The following MOB3B variants were observed in gnomAD, a reference collection of about 807,000 sequenced individuals.
MOB3B encodes the protein MOB kinase activator 3B, also known as MOB kinase activator-like 2B.
MOB3B carries 7 observed loss-of-function variants against 18.7 expected under a neutral mutation model. The ratio of observed to expected loss-of-function variants is 0.37; its 90% CI spans 0.21 to 0.70. MOB3B has a LOEUF of 0.70. Among genes scored for constraint, MOB3B ranks in the 30% least tolerant of loss-of-function variants. MOB3B has a pLI of 0.52. For missense variants in MOB3B, 253 were observed against 281.3 expected, an observed-to-expected ratio of 0.90 and a Z score of 0.72; for synonymous variants, 111 against 99.9, an observed-to-expected ratio of 1.11 and a Z score of -0.66.
intron 2 of MOB3B, among the ~76,000 whole-genome samples, chr9:27,390,930 G>A (rs191184740): frequency 6.6e-6 from 1 of 152,240 alleles, no homozygotes; most frequent in Admixed American, 6.5e-5. Context: ...GAAACTGGCA[G>A]TCTACACCAG....
chr9:27,491,602 C>T (rs1337647940), intron 1 of MOB3B, among the ~76,000 whole-genome samples: 4 of 152,242 alleles, frequency 2.6e-5, no homozygotes, highest in East Asian at 1.9e-4. Context: ...TGGTTGGGCA[C>T]GGTGGCTCAT....
chr9:27,471,847 A>G (rs1819476928), intron 1 of MOB3B, among the ~76,000 whole-genome samples: 1 of 152,196 alleles, frequency 6.6e-6, no homozygotes. Flanking sequence ...CCTCTCTCCT[A>G]AAACACTCTT....
At chr9:27,342,154 G>A (rs941563672) in intron 3 of MOB3B, among the ~76,000 whole-genome samples, 25 of 152,238 alleles carry the variant, frequency 1.6e-4, no homozygotes, top group African/African-American at 6.0e-4. Flanking sequence ...ATTTAGCATG[G>A]GGGTCTTTTC....
At chr9:27,475,093 G>A (rs1030991597) in intron 1 of MOB3B, among the ~76,000 whole-genome samples, 2 of 152,102 alleles carry the variant, frequency 1.3e-5, no homozygotes, top group Non-Finnish European at 1.5e-5. Flanking sequence ...TCGCTTTGAT[G>A]ATGCCAGCTG....
intron 1 of MOB3B, among the ~76,000 whole-genome samples, chr9:27,492,391 A>C (rs149734923): frequency 0.012 from 1,771 of 152,360 alleles, 36 homozygotes; most frequent in African/African-American, 0.04. Flanking sequence ...TTAAAACACT[A>C]AAGAATGGAT....
At chr9:27,516,999 G>A (rs972514750) in intron 1 of MOB3B, among the ~76,000 whole-genome samples, 2 of 152,076 alleles carry the variant, frequency 1.3e-5, no homozygotes, top group Non-Finnish European at 2.9e-5. Flanking sequence ...TCAGCTGGTG[G>A]CACGATCATA....
intron 2 of MOB3B, among the ~76,000 whole-genome samples, chr9:27,369,599 T>C (rs190794634): frequency 5.3e-5 from 8 of 152,360 alleles, no homozygotes; most frequent in Admixed American, 1.3e-4. Flanking sequence ...CTATTTAACA[T>C]GCAGGCAAGA....
At chr9:27,380,363 C>T (rs1174655217) in intron 2 of MOB3B, among the ~76,000 whole-genome samples, 2 of 151,190 alleles carry the variant, frequency 1.3e-5, no homozygotes, top group Non-Finnish European at 2.9e-5. Flanking sequence ...CTCAGCCTCC[C>T]GAGTAGCTGG....
In MOB3B at chr9:27,327,942, T is replaced by C. The variant is rs964667405; in HGVS notation, c.*2645A>G. ...TGTGTATTTACAGTGAGAAAGAAAA[T>C]GTGAGGCAGGTGCGGTGGTACATGC... On this transcript the variant is annotated 3_prime_UTR_variant, in exon 4 of 4. Coordinates refer to ENST00000262244, the MANE Select transcript of MOB3B (RefSeq NM_024761.5). 2.6e-5 allele frequency: 4 copies of C among 151,652 alleles called. No homozygotes were observed. Among genetic ancestry groups the C allele is most frequent in the Non-Finnish European group, 4.4e-5 (3 of 67,926 alleles). The allele number at this position is 151,652 out of a possible 1,614,324, so 9.4% of individuals were successfully genotyped here.
intron 1 of MOB3B, among the ~76,000 whole-genome samples, chr9:27,520,287 G>A (rs1820304653): frequency 6.6e-6 from 1 of 152,138 alleles, no homozygotes; most frequent in Non-Finnish European, 1.5e-5. Context: ...ATAAACAACA[G>A]AGCAGCCCCT....
intron 3 of MOB3B, among the ~76,000 whole-genome samples, chr9:27,341,587 C>A (rs1055463423): frequency 6.6e-6 from 1 of 152,280 alleles, no homozygotes; most frequent in Admixed American, 6.5e-5. Context: ...ACAATGAGAT[C>A]TCTTGCTAGA....
At chr9:27,489,739 A>ATTTTTTTTTTTTTTTTTTTTTTTTTTTT (rs1554652743) in intron 1 of MOB3B, among the ~76,000 whole-genome samples, 3 of 10,050 alleles carry the variant, frequency 3.0e-4, no homozygotes, top group South Asian at 4.2e-3. Flanking sequence ...TAAGGAAATA[A>ATTTTTTTTTTTTTTTTTTTTTTTTTTTT]TCTTTTTTTT....
At chr9:27,434,962 A>C (rs1306915998) in intron 2 of MOB3B, among the ~76,000 whole-genome samples, 1 of 152,196 alleles carries the variant, frequency 6.6e-6, no homozygotes, top group Non-Finnish European at 1.5e-5. Context: ...ATTATTTTGA[A>C]AAACTGTAGA....
chr9:27,425,981 A>G (rs1479527786), intron 2 of MOB3B, among the ~76,000 whole-genome samples: 1 of 152,250 alleles, frequency 6.6e-6, no homozygotes. Flanking sequence ...TGATTCACCC[A>G]GCAGAAGGAG....
chr9:27,523,464 C>CAAAAAAAAAAAAAAAAAAAAAAAAA (rs55637136), intron 1 of MOB3B, among the ~76,000 whole-genome samples: 3 of 141,678 alleles, frequency 2.1e-5, no homozygotes, highest in Non-Finnish European at 3.1e-5. Context: ...TAAACTGCAC[C>CAAAAAAAAAAAAAAAAAAAAAAAAA]AAAAAAAAAA....
At chr9:27,332,867 T>C (rs1820808196) in intron 3 of MOB3B, among the ~76,000 whole-genome samples, 1 of 152,266 alleles carries the variant, frequency 6.6e-6, no homozygotes, top group Non-Finnish European at 1.5e-5. Context: ...GCTTGCTCTT[T>C]CTACTACACC....
In MOB3B at chr9:27,330,410, A is replaced by G; in HGVS notation, c.*177T>C. On this transcript the variant is annotated 3_prime_UTR_variant, in exon 4 of 4. Coordinates refer to ENST00000262244, the MANE Select transcript of MOB3B (RefSeq NM_024761.5). ...CCACAGGTCTGGGCTAGCAGCACTC[A>G]GAAGGTTAAGAGCACACAAAGTGAG... The G allele has an allele frequency of 2.7e-6, 2 of 741,492 alleles. No individual in the cohort carries two copies. Among genetic ancestry groups the G allele is most frequent in the Middle Eastern group, 4.0e-4 (1 of 2,510 alleles). 45.9% of individuals were successfully genotyped at this position (741,492 alleles called of 1,614,324 possible).
intron 2 of MOB3B, chr9:27,378,319 C>T (rs1821520967): frequency 2.1e-6 from 1 of 469,974 alleles, no homozygotes; most frequent in East Asian, 7.0e-5. Flanking sequence ...ATGGATGCTG[C>T]ATCTGGACAT....
intron 2 of MOB3B, among the ~76,000 whole-genome samples, chr9:27,381,460 T>C (rs915165981): frequency 3.9e-5 from 6 of 152,142 alleles, no homozygotes; most frequent in African/African-American, 1.4e-4. Flanking sequence ...TCTGTGCTTC[T>C]TGGGACCCTG....
Sources: gnomAD v4.1 joint callset for allele counts (sites outside exome capture counted in the v4.1 genomes callset) on GRCh38, gnomAD v4.1.1 for gene constraint, MANE v1.5 for transcripts, NCBI Gene and HGNC (gene_info 2026-07-23, HGNC 2026-07-21) for gene names.